Variants in FNBP1 observed in about 807,000 individuals in gnomAD.
FNBP1 encodes the protein formin-binding protein 1.
A neutral mutation model predicts 90.6 loss-of-function variants in FNBP1; 26 were observed. That is an observed-to-expected ratio of 0.29 (90% CI 0.21 to 0.40). FNBP1 has a LOEUF of 0.40. FNBP1 is among the 10% of genes least tolerant of loss of function. The pLI is 1.00. For synonymous variants in FNBP1, 260 were observed against 265.2 expected, an observed-to-expected ratio of 0.98 and a Z score of 0.19; for missense variants, 635 against 768.0, an observed-to-expected ratio of 0.83 and a Z score of 2.05.
intron 4 of FNBP1, among the ~76,000 whole-genome samples, chr9:129,959,830 A>G (rs1480449347): frequency 6.6e-6 from 1 of 151,980 alleles, no homozygotes; most frequent in Non-Finnish European, 1.5e-5. Context: ...GTCACCCTCC[A>G]TCTTCCTCAG....
intron 6 of FNBP1, among the ~76,000 whole-genome samples, chr9:129,949,729 A>C (rs986913319): frequency 1.6e-5 from 2 of 121,460 alleles, no homozygotes; most frequent in Admixed American, 7.7e-5. Flanking sequence ...CAAACAAAAC[A>C]AAAAAAAAAA....
chr9:129,938,914 C>A (rs896482315), intron 6 of FNBP1, among the ~76,000 whole-genome samples: 12 of 152,118 alleles, frequency 7.9e-5, no homozygotes, highest in South Asian at 2.1e-4. Flanking sequence ...CCCTTTCCCC[C>A]CTGGTTTCTC....
Position 129,915,820 on chromosome 9 carries a change from A to G in FNBP1, c.1185+146T>C, listed in dbSNP as rs878934848. On this transcript the variant is annotated intron_variant, in intron 11 of 16. Coordinates refer to ENST00000446176, the MANE Select transcript of FNBP1 (RefSeq NM_015033.3). ...CTGGACCTTTGTATCCAAGAAGTCT[A>G]ATAAGGAAACACCAACAAAAGCACA... 11 of 618,640 alleles carry G rather than the reference A, an allele frequency of 1.8e-5. No homozygotes were observed. In the South Asian group the frequency reaches 2.2e-4, roughly 12 times the overall value. The allele number at this position is 618,640 out of a possible 1,614,324, so 38.3% of individuals were successfully genotyped here.
At chr9:129,907,580 G>GGGGTGTGTGTGT (rs942734835) in intron 12 of FNBP1, among the ~76,000 whole-genome samples, 103 of 147,194 alleles carry the variant, frequency 7.0e-4, no homozygotes, top group African/African-American at 1.8e-3. Context: ...TAGGAGTGAG[G>GGGGTGTGTGTGT]GTGTGTGTGT....
chr9:130,020,476 C>G (rs1337182082), intron 1 of FNBP1, among the ~76,000 whole-genome samples: 1 of 152,172 alleles, frequency 6.6e-6, no homozygotes, highest in Non-Finnish European at 1.5e-5. Flanking sequence ...TCCTAAAGTG[C>G]TGGGATTACA....
chr9:129,900,628 T>C lies in FNBP1; in HGVS notation c.1429-81A>G. On this transcript the variant is annotated intron_variant, in intron 13 of 16. Transcript: ENST00000446176. The surrounding 1 kb of genome is among the most constrained non-coding windows in gnomAD (Gnocchi z 4.1). ...GAGTGTCCTAAGGTCCCAAAGGCCA[T>C]CTGAGGGCCAGCCCGGAGCATCCTA... 1 of 1,320,958 alleles carries C rather than the reference T, an allele frequency of 7.6e-7. No homozygotes were observed. Among genetic ancestry groups the C allele is most frequent in the Non-Finnish European group, 9.7e-7 (1 of 1,027,556 alleles). The allele number at this position is 1,320,958 out of a possible 1,614,324, so 81.8% of individuals were successfully genotyped here.
chr9:129,893,303 AG>A (rs1446023565), intron 16 of FNBP1, among the ~76,000 whole-genome samples: 1 of 151,934 alleles, frequency 6.6e-6, no homozygotes, highest in Non-Finnish European at 1.5e-5. Context: ...TGCCAGCAAA[AG>A]TATCCAAAAG....
intron 15 of FNBP1, among the ~76,000 whole-genome samples, chr9:129,899,197 C>A (rs896501160): frequency 6.6e-6 from 1 of 151,848 alleles, no homozygotes; most frequent in African/African-American, 2.4e-5. Flanking sequence ...CGTGCCTCAG[C>A]CTCCCGAGCA....
At chr9:129,892,952 G>A (rs1463712361) in intron 16 of FNBP1, among the ~76,000 whole-genome samples, 3 of 150,502 alleles carry the variant, frequency 2.0e-5, no homozygotes, top group East Asian at 3.9e-4. Flanking sequence ...TTTGAATAAC[G>A]AAATAAATTT....
intron 4 of FNBP1, among the ~76,000 whole-genome samples, chr9:129,964,428 A>G (rs1409198184): frequency 2.6e-5 from 4 of 152,178 alleles, no homozygotes; most frequent in East Asian, 1.9e-4. Context: ...AAACATAATA[A>G]TAAGCTAAAA....
rs139056650 is a variant in FNBP1 at position 129,992,168 on chromosome 9, G to A, written c.140+2675C>T. Among the ~76,000 whole-genome samples, 4 of 152,306 alleles carry A rather than the reference G, an allele frequency of 2.6e-5. No individual in the cohort carries two copies. The East Asian group carries it at 7.7e-4, about 29-fold the overall frequency. ...TGGGCACAGCAATGTGAAGAGGCAG[G>A]GGAAGAGCAGGGGCCAGCAAGGGAG... On this transcript the variant is annotated intron_variant, in intron 2 of 16. Coordinates refer to ENST00000446176, the MANE Select transcript of FNBP1 (RefSeq NM_015033.3).
At chr9:129,919,623 C>T (rs2040793943) in intron 10 of FNBP1, among the ~76,000 whole-genome samples, 1 of 152,168 alleles carries the variant, frequency 6.6e-6, no homozygotes, top group Admixed American at 6.5e-5. Context: ...CAACAAATAA[C>T]ATTTTATCCT....
intron 2 of FNBP1, among the ~76,000 whole-genome samples, chr9:129,981,045 C>T (rs62583657): frequency 0.41 from 43,061 of 104,922 alleles, 7,181 homozygotes; most frequent in Non-Finnish European, 0.5. Flanking sequence ...AGCGAGACTC[C>T]GTCTCAAAAA....
At chr9:129,918,626 C>T (rs954566777) in intron 10 of FNBP1, among the ~76,000 whole-genome samples, 2 of 152,152 alleles carry the variant, frequency 1.3e-5, no homozygotes, top group African/African-American at 4.8e-5. Flanking sequence ...AGATCGCTCA[C>T]GCTTCCTTGA....
chr9:129,905,879 C>CTTTTTTTTTTTTTTTTTTTT (rs35439760), intron 12 of FNBP1, among the ~76,000 whole-genome samples: 1 of 145,394 alleles, frequency 6.9e-6, no homozygotes, highest in Non-Finnish European at 1.5e-5. Context: ...AGGCATATTT[C>CTTTTTTTTTTTTTTTTTTTT]TTTTTTTTTT....
At chr9:129,968,109 A>G (rs1201992207) in intron 4 of FNBP1, among the ~76,000 whole-genome samples, 1 of 152,166 alleles carries the variant, frequency 6.6e-6, no homozygotes, top group Non-Finnish European at 1.5e-5. Context: ...AAAACAAAGA[A>G]GATGGCTGGG....
chr9:129,948,327 T>C (rs906320949), intron 6 of FNBP1, among the ~76,000 whole-genome samples: 2 of 150,630 alleles, frequency 1.3e-5, no homozygotes, highest in South Asian at 2.1e-4. Context: ...GTCTGTGCTA[T>C]TGCTCATACA....
intron 1 of FNBP1, among the ~76,000 whole-genome samples, chr9:130,018,794 T>C (rs910722965): frequency 3.9e-5 from 6 of 152,100 alleles, no homozygotes; most frequent in African/African-American, 9.7e-5. Context: ...AATAAGAATA[T>C]AGTGTAGCTA....
intron 6 of FNBP1, chr9:129,933,540 C>A (rs1395530677): frequency 6.6e-6 from 1 of 152,112 alleles, no homozygotes; most frequent in African/African-American, 2.4e-5. Context: ...TAACAAGGGC[C>A]CTAGACGTGA....
Sources: allele counts gnomAD v4.1 joint callset (sites outside exome capture counted in the v4.1 genomes callset), GRCh38; gene constraint gnomAD v4.1.1; non-coding constraint Gnocchi (gnomAD v3.1); transcripts MANE v1.5; gene names NCBI Gene and HGNC (gene_info 2026-07-23, HGNC 2026-07-21).